FILIP1L: variants seen among roughly 807,000 people sequenced by gnomAD.
FILIP1L encodes the protein filamin A interacting protein 1 like.
Under a neutral mutation model 96.6 loss-of-function variants are expected in FILIP1L, and 55 were observed. The ratio of observed to expected loss-of-function variants is 0.57; its 90% confidence interval spans 0.46 to 0.71. The LOEUF (loss-of-function observed/expected upper bound fraction) is 0.71, where lower values mean the gene tolerates loss of function less well. Among genes scored for constraint, FILIP1L ranks in the 30% least tolerant of loss-of-function variants. The probability of loss-of-function intolerance (pLI) is 0.00; values close to 1 mark genes in which losing one functional copy is unlikely to be tolerated. For missense variants in FILIP1L, 1,304 were observed against 1,321.2 expected (o/e 0.99, Z 0.20); for synonymous variants, 467 against 473.9 (o/e 0.99, Z 0.19).
chr3:100,113,692 C>A (rs990304188), intron 1 of FILIP1L, among the ~76,000 whole-genome samples: 24 of 152,190 alleles, frequency 1.6e-4, no homozygotes, highest in Non-Finnish European at 3.5e-4. Context: ...CATCAGCTTA[C>A]AAAATCAAGC....
At position 99,851,015 on chromosome 3, in the gene FILIP1L, T is replaced by G; in HGVS notation, c.661A>C (p.Lys221Gln). 1 of 1,611,840 alleles carries G rather than the reference T, an allele frequency of 6.2e-7. No individual in the cohort carries two copies. The highest frequency in any genetic ancestry group is 8.5e-7 in the Non-Finnish European group (1 of 1,179,614). ...IKSQEEKEQE[K>Q]EKRVTTLKEE... The stretch of plus-strand genomic sequence containing the variant: ...TTCAGGGTGGTGACCCTTTTCTCCT[T>G]TTCTTGCTCCTTCTCCTCCTGAGAC... The change falls in exon 5 of 6, where the codon AAG (lysine) becomes CAG (glutamine). Residue 221 changes from lysine (K) to glutamine (Q), a missense_variant. Transcript: ENST00000477258.
intron 1 of FILIP1L, among the ~76,000 whole-genome samples, chr3:99,994,933 T>C (rs554123691): frequency 1.3e-5 from 2 of 151,854 alleles, no homozygotes; most frequent in East Asian, 1.9e-4. Flanking sequence ...ATTATGGGAG[T>C]ACAATTCAAG....
intron 1 of FILIP1L, among the ~76,000 whole-genome samples, chr3:100,021,962 A>T (rs6790883): frequency 0.052 from 4,919 of 94,954 alleles, 68 homozygotes; most frequent in Non-Finnish European, 0.062. Flanking sequence ...TGTGTGTGTG[A>T]GAGAGAGAGA....
intron 1 of FILIP1L, among the ~76,000 whole-genome samples, chr3:100,100,597 G>A (rs1164577886): frequency 1.3e-5 from 2 of 152,146 alleles, no homozygotes; most frequent in Non-Finnish European, 2.9e-5. Context: ...GAAGGATTTG[G>A]AGGCAAGTCA....
At chr3:99,945,267 A>G (rs1232585727) in intron 1 of FILIP1L, among the ~76,000 whole-genome samples, 1 of 152,230 alleles carries the variant, frequency 6.6e-6, no homozygotes, top group Non-Finnish European at 1.5e-5. Flanking sequence ...ACTCATCGCT[A>G]CGAAGGAGTG....
At chr3:99,891,345 A>C (rs552826872) in intron 4 of FILIP1L, among the ~76,000 whole-genome samples, 1 of 152,242 alleles carries the variant, frequency 6.6e-6, no homozygotes, top group South Asian at 2.1e-4. Flanking sequence ...CTCTGTCTAC[A>C]TGCCCTATGA....
At chr3:100,024,767 G>A (rs555906688) in intron 1 of FILIP1L, among the ~76,000 whole-genome samples, 37 of 152,168 alleles carry the variant, frequency 2.4e-4, no homozygotes, top group African/African-American at 6.7e-4. Context: ...GCTCAGTTAC[G>A]GAGGCTTCTG....
At chr3:100,089,000 A>G (rs1472975312) in intron 1 of FILIP1L, among the ~76,000 whole-genome samples, 2 of 152,204 alleles carry the variant, frequency 1.3e-5, no homozygotes, top group Non-Finnish European at 2.9e-5. Flanking sequence ...CACTCTCCAG[A>G]GAGAAAGTAT....
rs148202802 is a variant in FILIP1L at position 100,038,295 on chromosome 3, A to G, written c.-11+75758T>C. 3.7e-3 allele frequency among the ~76,000 whole-genome samples: 570 copies of G among 152,238 alleles called. 3 individuals are homozygous for G. Among genetic ancestry groups the G allele is most frequent in the African/African-American group, 0.013 (542 of 41,536 alleles). ...ATTAAAATATAACTCTTACAGAAAT[A>G]ATAAGAAAAGTAATGAAGTAATGAG... On this transcript the variant is annotated intron_variant, in intron 1 of 5. Coordinates refer to ENST00000477258, the MANE Select transcript of FILIP1L (RefSeq NM_001387850.1).
intron 1 of FILIP1L, among the ~76,000 whole-genome samples, chr3:100,093,733 C>T (rs2107440623): frequency 6.6e-6 from 1 of 152,292 alleles, no homozygotes; most frequent in South Asian, 2.1e-4. Flanking sequence ...GAAACCCTGG[C>T]AATCACTACT....
chr3:99,916,241 C>T (rs1706945509), intron 4 of FILIP1L, among the ~76,000 whole-genome samples: 1 of 152,162 alleles, frequency 6.6e-6, no homozygotes, highest in African/African-American at 2.4e-5. Context: ...TGCACTGGCA[C>T]ATCAATCTTC....
intron 1 of FILIP1L, among the ~76,000 whole-genome samples, chr3:100,058,309 C>G (rs1308073885): frequency 6.6e-6 from 1 of 152,208 alleles, no homozygotes; most frequent in Non-Finnish European, 1.5e-5. Flanking sequence ...CTGTGATAAG[C>G]TCCTACTTAC....
Position 99,857,196 on chromosome 3 carries a change from A to ATGT in FILIP1L, c.606-6127_606-6126insACA, listed in dbSNP as rs146160203. On this transcript the variant is annotated intron_variant, in intron 4 of 5. Coordinates refer to ENST00000477258, the MANE Select transcript of FILIP1L (RefSeq NM_001387850.1). ...ATTCACTATTTAAGAGGATGCTCTA[A>ATGT]TATTTACCATGTACATGTTTTTAGG... Among the ~76,000 whole-genome samples, 221 of 152,226 alleles carry ATGT rather than the reference A, an allele frequency of 1.5e-3. 1 individual carries two copies. The highest frequency in any genetic ancestry group is 5.1e-3 in the African/African-American group (210 of 41,498).
Position 100,059,604 on chromosome 3 carries a change from A to G in FILIP1L, c.-11+54449T>C, listed in dbSNP as rs144888331. Among the ~76,000 whole-genome samples, 1,104 of 152,304 alleles carry G rather than the reference A, an allele frequency of 7.2e-3. 19 individuals are homozygous for G. Among genetic ancestry groups the G allele is most frequent in the African/African-American group, 0.024 (1,017 of 41,572 alleles). ...ATTCAAACAGCGTTAGGAGCCAGGA[A>G]GGTTTGTGAGCCAGAAGGCGGGGGC... On this transcript the variant is annotated intron_variant, in intron 1 of 5. Transcript: ENST00000477258.
chr3:99,932,946 G>A (rs1707533317), intron 1 of FILIP1L, among the ~76,000 whole-genome samples: 1 of 152,118 alleles, frequency 6.6e-6, no homozygotes, highest in South Asian at 2.1e-4. Context: ...GGAAGTGAGG[G>A]AGCACTTACT....
In FILIP1L at chr3:99,841,547, G is replaced by A. The variant is rs561256577; in HGVS notation, c.3381+6748C>T. 3.3e-5 allele frequency among the ~76,000 whole-genome samples: 5 copies of A among 152,284 alleles called. No individual in the cohort carries two copies. In the South Asian group the frequency reaches 8.3e-4, roughly 25 times the overall value. ...CACCTATCCAAAAGCCTCAGGAATG[G>A]CTGAGGACGAGGTAGGCTTTGTAGG... On this transcript the variant is annotated intron_variant, in intron 5 of 5. Transcript: ENST00000477258.
Position 99,851,595 on chromosome 3 carries a change from C to T in FILIP1L, c.606-525G>A, listed in dbSNP as rs148111156. ...ATCTAAGATTCTCATTGTCCTGGCA[C>T]ATGGTAAGCATTTGGTATTAGTTGT... On this transcript the variant is annotated intron_variant, in intron 4 of 5. Coordinates refer to ENST00000477258, the MANE Select transcript of FILIP1L (RefSeq NM_001387850.1). Among the ~76,000 whole-genome samples the T allele has an allele frequency of 4.2e-4, 64 of 152,304 alleles. 1 individual carries two copies. In the East Asian group the frequency reaches 0.012, roughly 28 times the overall value.
intron 1 of FILIP1L, among the ~76,000 whole-genome samples, chr3:100,079,731 C>G (rs958267542): frequency 1.3e-5 from 2 of 151,666 alleles, no homozygotes; most frequent in Non-Finnish European, 2.9e-5. Context: ...CACTTTAGAA[C>G]AAAAATTAAT....
At chr3:100,084,719 A>G (rs1229444129) in intron 1 of FILIP1L, among the ~76,000 whole-genome samples, 1 of 152,222 alleles carries the variant, frequency 6.6e-6, no homozygotes, top group Non-Finnish European at 1.5e-5. Flanking sequence ...GATCAACCTC[A>G]CTTTTTCCAC....
Sources: allele counts gnomAD v4.1 joint callset (sites outside exome capture counted in the v4.1 genomes callset), GRCh38; gene constraint gnomAD v4.1.1; transcripts MANE v1.5; gene names NCBI Gene and HGNC (gene_info 2026-07-23, HGNC 2026-07-21).